Variants in EXOC4 observed in about 807,000 individuals in gnomAD.
The protein encoded by EXOC4 is exocyst complex component 4, also known as SEC8-like 1.
In EXOC4, 71 loss-of-function variants were observed where a neutral mutation model predicts 107.2. That is an observed-to-expected ratio of 0.66 (90% CI 0.55 to 0.81). The LOEUF is 0.81. EXOC4 is among the 30% of genes least tolerant of loss of function. EXOC4 has a pLI of 0.00. For missense variants in EXOC4, 1,108 were observed against 1,189.6 expected (o/e 0.93, Z 1.01); for synonymous variants, 456 against 441.2 (o/e 1.03, Z -0.42).
chr7:133,989,881 A>G (rs1251146364), intron 14 of EXOC4, among the ~76,000 whole-genome samples: 3 of 152,174 alleles, frequency 2.0e-5, no homozygotes, highest in Admixed American at 2.0e-4. Context: ...ATTGCTGAGA[A>G]AGGGAAGGAG....
intron 12 of EXOC4, among the ~76,000 whole-genome samples, chr7:133,914,482 A>C (rs957724218): frequency 1.7e-4 from 26 of 152,196 alleles, no homozygotes; most frequent in Non-Finnish European, 3.2e-4. Context: ...GAACCAAGAA[A>C]ACTTGGGACT....
intron 14 of EXOC4, among the ~76,000 whole-genome samples, chr7:133,961,655 G>T (rs1318639011): frequency 1.3e-5 from 2 of 152,120 alleles, no homozygotes; most frequent in African/African-American, 4.8e-5. Flanking sequence ...AAGCCATAAG[G>T]TACATGGTAA....
intron 11 of EXOC4, among the ~76,000 whole-genome samples, chr7:133,862,699 C>G (rs938303155): frequency 3.9e-5 from 6 of 152,116 alleles, no homozygotes; most frequent in Non-Finnish European, 7.3e-5. Context: ...GCTCTTTAAG[C>G]TATAGATACA....
At chr7:133,522,870 C>T (rs1800005769) in intron 9 of EXOC4, among the ~76,000 whole-genome samples, 1 of 152,124 alleles carries the variant, frequency 6.6e-6, no homozygotes, top group Non-Finnish European at 1.5e-5. Flanking sequence ...TCCCAAGAAT[C>T]TCTGATATGA....
At chr7:134,090,922 C>CT in the EXOC4 span, among the ~76,000 whole-genome samples, 2 of 151,942 alleles carry the variant, frequency 1.3e-5, no homozygotes, top group Non-Finnish European at 2.9e-5. Context: ...AGGAGAGACT[C>CT]TAACTCCTGT....
At chr7:133,692,838 T>C (rs963872490) in intron 10 of EXOC4, among the ~76,000 whole-genome samples, 3 of 152,206 alleles carry the variant, frequency 2.0e-5, no homozygotes, top group Non-Finnish European at 4.4e-5. Flanking sequence ...TTCTCAATAA[T>C]ATTGTCAATG....
At position 133,638,682 on chromosome 7, in the gene EXOC4, G is replaced by A. The variant is rs75320778; in HGVS notation, c.1514+8541G>A. Among the ~76,000 whole-genome samples, 854 of 151,788 alleles carry A rather than the reference G, an allele frequency of 5.6e-3. 8 individuals are homozygous for A. Among genetic ancestry groups the A allele is most frequent in the African/African-American group, 0.019 (800 of 41,390 alleles). On this transcript the variant is annotated intron_variant, in intron 10 of 17. Transcript: ENST00000253861. ...CCTTTTCATGTCCAGTAACTGGTAC[G>A]TACGAGTATAACTTAACTCTTCCAG...
intron 10 of EXOC4, among the ~76,000 whole-genome samples, chr7:133,658,189 C>T (rs537913193): frequency 5.5e-4 from 83 of 152,140 alleles, no homozygotes; most frequent in South Asian, 8.3e-4. Flanking sequence ...AGAGAGAGAG[C>T]GAGAGAGATC....
At chr7:133,740,889 G>T (rs1193439586) in intron 10 of EXOC4, among the ~76,000 whole-genome samples, 1 of 152,146 alleles carries the variant, frequency 6.6e-6, no homozygotes, top group African/African-American at 2.4e-5. Flanking sequence ...TAGAATTCAG[G>T]AAAGGAAGAC....
At chr7:133,599,360 TG>T (rs1801754010) in intron 9 of EXOC4, among the ~76,000 whole-genome samples, 1 of 152,230 alleles carries the variant, frequency 6.6e-6, no homozygotes, top group Non-Finnish European at 1.5e-5. Context: ...ATTATCTTTT[TG>T]TCATAATGTC....
chr7:134,081,303 A>G, the EXOC4 span, among the ~76,000 whole-genome samples: 3 of 152,180 alleles, frequency 2.0e-5, no homozygotes, highest in Non-Finnish European at 4.4e-5. Context: ...AGATTGCGCC[A>G]CTGCACTCCA....
chr7:133,752,804 C>G lies in EXOC4; in HGVS notation c.1515-64521C>G, dbSNP rs891832210. ...AATGTTAACTTAATGAATGTCTTCA[C>G]GAAGGATGAGGAAAAATAGGCCTTG... On this transcript the variant is annotated intron_variant, in intron 10 of 17. Transcript: ENST00000253861. 2.0e-5 allele frequency among the ~76,000 whole-genome samples: 3 copies of G among 152,182 alleles called. No homozygotes were observed. In the East Asian group the frequency reaches 5.8e-4, roughly 29 times the overall value.
At chr7:133,881,292 C>G (rs985853007) in intron 11 of EXOC4, among the ~76,000 whole-genome samples, 4 of 151,144 alleles carry the variant, frequency 2.6e-5, no homozygotes, top group African/African-American at 7.3e-5. Flanking sequence ...CCACATACCC[C>G]CTTCACCCCA....
chr7:134,002,964 C>T (rs1794564043), intron 15 of EXOC4, among the ~76,000 whole-genome samples: 1 of 152,136 alleles, frequency 6.6e-6, no homozygotes, highest in Non-Finnish European at 1.5e-5. Context: ...CTAGCAATCT[C>T]ACTTCCAGGT....
intron 11 of EXOC4, among the ~76,000 whole-genome samples, chr7:133,839,878 A>G (rs1373650967): frequency 3.3e-5 from 5 of 152,362 alleles, no homozygotes; most frequent in Non-Finnish European, 7.3e-5. Flanking sequence ...TCCATAGCAC[A>G]GTCTCAGACA....
chr7:133,398,866 C>G (rs1797028621), intron 7 of EXOC4, among the ~76,000 whole-genome samples: 1 of 152,156 alleles, frequency 6.6e-6, no homozygotes, highest in East Asian at 1.9e-4. Flanking sequence ...GTTAGTATCT[C>G]TACACTGATT....
chr7:133,288,861 A>G, intron 2 of EXOC4, 61 bp from the exon 3 acceptor site: 1 of 1,429,858 alleles, frequency 7.0e-7, no homozygotes, highest in African/African-American at 1.4e-5. Context: ...TACTAACCAG[A>G]TTATAGGTTT....
chr7:133,780,244 A>C lies in EXOC4; in HGVS notation c.1515-37081A>C, dbSNP rs528653849. Among the ~76,000 whole-genome samples the C allele has an allele frequency of 7.9e-5, 12 of 152,142 alleles. 2 individuals are homozygous for C. The South Asian group carries it at 2.1e-3, about 26-fold the overall frequency. On this transcript the variant is annotated intron_variant, in intron 10 of 17. Coordinates refer to ENST00000253861, the MANE Select transcript of EXOC4 (RefSeq NM_021807.4). ...TAGTTAATATGCTTCCCAAAAAAAA[A>C]ACCTTCCTTTTCTTTGTATTTGAAA... is the stretch of plus-strand genomic sequence containing the variant.
intron 10 of EXOC4, among the ~76,000 whole-genome samples, chr7:133,738,208 G>A (rs1335325630): frequency 6.6e-6 from 1 of 151,734 alleles, no homozygotes; most frequent in Non-Finnish European, 1.5e-5. Context: ...CACCAGTGCC[G>A]AGCCCTGCTT....
Sources: allele counts gnomAD v4.1 joint callset (sites outside exome capture counted in the v4.1 genomes callset), GRCh38; gene constraint gnomAD v4.1.1; transcripts MANE v1.5; gene names NCBI Gene and HGNC (gene_info 2026-07-23, HGNC 2026-07-21).